Variants in B4GALT6 observed in about 807,000 individuals in gnomAD.
B4GALT6 encodes UDP-Gal:beta-GlcNAc beta-1,4-galactosyltransferase 6.
Under a neutral mutation model 46.3 loss-of-function variants are expected in B4GALT6, and 14 were observed. That is an observed-to-expected ratio of 0.30 (90% CI 0.20 to 0.47). B4GALT6 has a LOEUF of 0.47. Ranked by LOEUF, B4GALT6 falls within the 20% of genes least tolerant of loss-of-function variation. B4GALT6 has a pLI of 0.99. For missense variants in B4GALT6, 386 were observed against 480.1 expected (o/e 0.80, Z 1.83); for synonymous variants, 168 against 162.0 (o/e 1.04, Z -0.28).
In B4GALT6 at chr18:31,666,375, A is replaced by T; in HGVS notation, c.116-3T>A. The stretch of plus-strand genomic sequence containing the variant: ...TACCATAAAGAGATATGTGTTGGCT[A>T]TAAAAGAAAAATAGAGAAAGAATGT... On this transcript the variant is annotated splice_region_variant and splice_polypyrimidine_tract_variant and intron_variant, in intron 1 of 8. Transcript: ENST00000306851. 2 of 1,474,546 alleles carry T rather than the reference A, an allele frequency of 1.4e-6. No homozygotes were observed. The highest frequency in any genetic ancestry group is 1.9e-6 in the Non-Finnish European group (2 of 1,071,164). The allele number at this position is 1,474,546 out of a possible 1,614,324, so 91.3% of individuals were successfully genotyped here.
At chr18:31,700,460 T>TGA in the B4GALT6 span, among the ~76,000 whole-genome samples, 8 of 147,008 alleles carry the variant, frequency 5.4e-5, no homozygotes, top group Non-Finnish European at 1.0e-4. Context: ...TGTGTGTGTG[T>TGA]GTGTGTGTGA....
chr18:31,718,414 A>G, the B4GALT6 span, among the ~76,000 whole-genome samples: 1 of 152,210 alleles, frequency 6.6e-6, no homozygotes, highest in Admixed American at 6.5e-5. Context: ...GCCTGTTTAT[A>G]AGACAGTGTT....
chr18:31,625,820 A>T, intron 8 of B4GALT6, 59 bp from the exon 9 acceptor site: 4 of 1,427,584 alleles, frequency 2.8e-6, no homozygotes, highest in Non-Finnish European at 3.8e-6. Flanking sequence ...AGGAAAACTG[A>T]TAAGGACTGT....
chr18:31,701,172 G>A, the B4GALT6 span, among the ~76,000 whole-genome samples: 1 of 152,150 alleles, frequency 6.6e-6, no homozygotes, highest in African/African-American at 2.4e-5. Flanking sequence ...ATTGAATTAT[G>A]GGGACAGAGT....
the B4GALT6 span, among the ~76,000 whole-genome samples, chr18:31,699,409 A>C: frequency 6.6e-6 from 1 of 151,492 alleles, no homozygotes; most frequent in Admixed American, 6.6e-5. Context: ...AGTAGCTGGG[A>C]TTACAGGTGC....
chr18:31,682,791 C>G (rs573886367), intron 1 of B4GALT6, among the ~76,000 whole-genome samples: 1 of 152,054 alleles, frequency 6.6e-6, no homozygotes, highest in African/African-American at 2.4e-5. Flanking sequence ...CAAAGATGTC[C>G]AAACTTTTAA....
At chr18:31,658,198 A>G in intron 2 of B4GALT6, 109 bp from the exon 3 acceptor site, 1 of 739,962 alleles carries the variant, frequency 1.4e-6, no homozygotes, top group Non-Finnish European at 2.2e-6. Flanking sequence ...TACAATCTAC[A>G]GAAGTACTTA....
chr18:31,724,069 G>C, the B4GALT6 span: 1 of 318,038 alleles, frequency 3.1e-6, no homozygotes, highest in Non-Finnish European at 6.2e-6. Flanking sequence ...CAGGGCGGAA[G>C]GGAGGTTTGG....
chr18:31,656,569 C>T (rs2074142348), intron 3 of B4GALT6, among the ~76,000 whole-genome samples: 1 of 151,666 alleles, frequency 6.6e-6, no homozygotes, highest in Admixed American at 6.6e-5. Flanking sequence ...CCACATATTA[C>T]ACACAAAGGT....
intron 3 of B4GALT6, among the ~76,000 whole-genome samples, chr18:31,656,964 A>C: frequency 6.6e-6 from 1 of 152,240 alleles, no homozygotes; most frequent in East Asian, 1.9e-4. Context: ...GTGAAAATCG[A>C]AACAACGAGA....
At chr18:31,666,086 C>T (rs1449991242) in intron 2 of B4GALT6, among the ~76,000 whole-genome samples, 170 bp downstream of exon 2, 1 of 152,168 alleles carries the variant, frequency 6.6e-6, no homozygotes, top group Admixed American at 6.5e-5. Context: ...GTTCATACAT[C>T]CTAAAATAGG....
intron 8 of B4GALT6, among the ~76,000 whole-genome samples, chr18:31,625,991 TTTAA>T (rs2073691398): frequency 6.6e-6 from 1 of 152,228 alleles, no homozygotes; most frequent in African/African-American, 2.4e-5. Flanking sequence ...ATTAGACATC[TTTAA>T]TAAATAAAAC....
chr18:31,661,513 CATTA>C (rs1293269686), intron 2 of B4GALT6, among the ~76,000 whole-genome samples: 1 of 152,064 alleles, frequency 6.6e-6, no homozygotes, highest in Admixed American at 6.6e-5. Flanking sequence ...GCAAGTTCTT[CATTA>C]ATTAGCTAGT....
the B4GALT6 span, among the ~76,000 whole-genome samples, chr18:31,710,681 C>A: frequency 1.3e-5 from 2 of 152,138 alleles, no homozygotes; most frequent in African/African-American, 2.4e-5. Context: ...GTCTCCAGAA[C>A]TATGAGAGAA....
chr18:31,697,513 T>A, the B4GALT6 span, among the ~76,000 whole-genome samples: 9 of 152,168 alleles, frequency 5.9e-5, no homozygotes, highest in African/African-American at 2.2e-4. Context: ...CTCCTAGAAG[T>A]CTTTAACATA....
intron 3 of B4GALT6, among the ~76,000 whole-genome samples, chr18:31,646,142 C>T (rs1567966717): frequency 6.6e-6 from 1 of 152,232 alleles, no homozygotes; most frequent in Admixed American, 6.5e-5. Flanking sequence ...AATTTGCAAA[C>T]ATAATTCAAA....
chr18:31,678,018 C>T (rs1327359053), intron 1 of B4GALT6, among the ~76,000 whole-genome samples: 3 of 152,164 alleles, frequency 2.0e-5, no homozygotes, highest in South Asian at 4.1e-4. Flanking sequence ...ACATGAAAGG[C>T]AGGCTTGAAA....
rs869030382 is a variant in B4GALT6 at position 31,629,447 on chromosome 18, ATTTTTTTTTTTTTTTT to A, written c.776+1496_776+1511del. Among the ~76,000 whole-genome samples, 266 of 32,892 alleles carry A rather than the reference ATTTTTTTTTTTTTTTT, an allele frequency of 8.1e-3. 1 individual carries two copies. In the South Asian group the frequency reaches 0.11, roughly 13 times the overall value. 21.6% of individuals were successfully genotyped at this position (32,892 alleles called of 152,430 possible). A position where few individuals can be genotyped will look rare whatever the true frequency, so the allele number is the denominator to read the frequency against. The stretch of plus-strand genomic sequence containing the variant: ...ATTCTTAGTTTATATGCCCTTTATG[ATTTTTTTTTTTTTTTT>A]TTTTTTTTTTTTTTTTTTTTGTGAA... On this transcript the variant is annotated intron_variant, in intron 6 of 8. Coordinates refer to ENST00000306851, the MANE Select transcript of B4GALT6 (RefSeq NM_004775.5).
At chr18:31,686,807 T>C (rs1393647046), upstream of B4GALT6, 3 of 152,232 alleles carry the variant, frequency 2.0e-5, no homozygotes, top group East Asian at 5.8e-4. Context: ...AATCCCACTG[T>C]TCATTTATCT....
Sources: gnomAD v4.1 joint callset for allele counts (sites outside exome capture counted in the v4.1 genomes callset) on GRCh38, gnomAD v4.1.1 for gene constraint, MANE v1.5 for transcripts, NCBI Gene and HGNC (gene_info 2026-07-23, HGNC 2026-07-21) for gene names.